CFTR: variants seen among roughly 807,000 people sequenced by gnomAD.
CFTR encodes CF transmembrane conductance regulator.
Under a neutral mutation model 171.6 loss-of-function variants are expected in CFTR, and 181 were observed. The ratio of observed to expected loss-of-function variants is 1.05; its 90% confidence interval spans 0.93 to 1.19. The LOEUF (loss-of-function observed/expected upper bound fraction) is 1.19. Ranked by LOEUF, CFTR falls within the 50% of genes most tolerant of loss-of-function variation. CFTR has a pLI of 0.00. For synonymous variants in CFTR, 583 were observed against 608.0 expected, an observed-to-expected ratio of 0.96 and a Z score of 0.60; for missense variants, 1,968 against 1,734.7, an observed-to-expected ratio of 1.13 and a Z score of -2.39.
In CFTR at chr7:117,603,529, C is replaced by A. The variant is rs1402820914; in HGVS notation, c.2658-3C>A. ...AAATAACGATTTCCTATTTGCTTTA[C>A]AGCACTCCTCTTCAAGACAAAGGGA... On this transcript the variant is annotated splice_region_variant and splice_polypyrimidine_tract_variant and intron_variant, in intron 16 of 26. Coordinates refer to ENST00000003084, the MANE Select transcript of CFTR (RefSeq NM_000492.4). 2 of 1,613,700 alleles carry A rather than the reference C, an allele frequency of 1.2e-6. No homozygotes were observed. Among genetic ancestry groups the A allele is most frequent in the Non-Finnish European group, 1.7e-6 (2 of 1,179,860 alleles).
intron 11 of CFTR, among the ~76,000 whole-genome samples, chr7:117,583,323 C>A (rs113183139): frequency 1.4e-4 from 21 of 151,796 alleles, no homozygotes; most frequent in African/African-American, 5.1e-4. Context: ...ATCCCCCCCC[C>A]GCTCCACCCT....
At chr7:117,631,044 C>T (rs995348624) in intron 22 of CFTR, among the ~76,000 whole-genome samples, 1 of 151,976 alleles carries the variant, frequency 6.6e-6, no homozygotes, top group Non-Finnish European at 1.5e-5. Flanking sequence ...CACTATGTTG[C>T]CCAGGCTGGT....
intron 24 of CFTR, among the ~76,000 whole-genome samples, chr7:117,655,455 T>G (rs960021539): frequency 6.6e-6 from 1 of 152,202 alleles, no homozygotes; most frequent in Non-Finnish European, 1.5e-5. Context: ...CAGATTGGCC[T>G]TTACCGTCCA....
Position 117,592,393 on chromosome 7 carries a change from T to C in CFTR, c.2226T>C (p.Ser742=), listed in dbSNP as rs2116032463. The C allele has an allele frequency of 6.2e-7, 1 of 1,614,070 alleles. No individual in the cohort carries two copies. Residue 742 remains serine (S), a synonymous_variant, in exon 14 of 27, where the codon TCT becomes TCC. Coordinates refer to ENST00000003084, the MANE Select transcript of CFTR (RefSeq NM_000492.4). ...LERRLSLVPD[S]EQGEAILPRI... is the part of the protein sequence containing the mutation. ...GAAGGCTGTCCTTAGTACCAGATTC[T>C]GAGCAGGGAGAGGCGATACTGCCTC...
intron 22 of CFTR, among the ~76,000 whole-genome samples, chr7:117,634,401 T>G (rs893693562): frequency 6.6e-6 from 1 of 152,084 alleles, no homozygotes; most frequent in Non-Finnish European, 1.5e-5. Context: ...AGGCTAGAGA[T>G]ATCTCTATTT....
At chr7:117,593,934 A>G (rs1792078920) in intron 14 of CFTR, among the ~76,000 whole-genome samples, 2 of 152,272 alleles carry the variant, frequency 1.3e-5, no homozygotes, top group South Asian at 2.1e-4. Context: ...TTTAATATCA[A>G]TCTAAATGAA....
chr7:117,611,940 A>G lies in CFTR; in HGVS notation c.3367+132A>G, dbSNP rs1792396369. The G allele has an allele frequency of 6.7e-6, 4 of 601,478 alleles. No individual in the cohort carries two copies. In the Admixed American group the frequency reaches 9.6e-5, roughly 14 times the overall value. 37.3% of individuals were successfully genotyped at this position (601,478 alleles called of 1,614,324 possible). A position where few individuals can be genotyped will look rare whatever the true frequency, so the allele number is the denominator to read the frequency against. The stretch of plus-strand genomic sequence containing the variant: ...TAATTAACAAATTTGTTGGTTTATT[A>G]TTGAACAAGTGATTTCTTTGAATTT... On this transcript the variant is annotated intron_variant, in intron 20 of 26. Transcript: ENST00000003084.
intron 3 of CFTR, among the ~76,000 whole-genome samples, chr7:117,516,029 G>A (rs1007264109): frequency 6.6e-6 from 1 of 152,166 alleles, no homozygotes; most frequent in Non-Finnish European, 1.5e-5. Context: ...TTTCAAATTA[G>A]AAATTGCTTG....
At chr7:117,638,017 T>C (rs552263488) in intron 22 of CFTR, among the ~76,000 whole-genome samples, 2 of 152,306 alleles carry the variant, frequency 1.3e-5, no homozygotes, top group South Asian at 2.1e-4. Flanking sequence ...TTGGACCCAC[T>C]TGGAATTTTC....
intron 2 of CFTR, among the ~76,000 whole-genome samples, chr7:117,508,747 A>C (rs747067874): frequency 6.6e-6 from 1 of 152,188 alleles, no homozygotes; most frequent in African/African-American, 2.4e-5. Context: ...TTATTTGTCC[A>C]CCCTTTTCAT....
chr7:117,548,925 C>T, intron 10 of CFTR, 102 bp downstream of exon 10: 1 of 1,491,760 alleles, frequency 6.7e-7, no homozygotes, highest in Non-Finnish European at 9.1e-7. Context: ...GAAATTCTTA[C>T]ATGAGCATTA....
intron 3 of CFTR, among the ~76,000 whole-genome samples, chr7:117,517,083 G>A (rs1165036428): frequency 1.3e-5 from 2 of 152,098 alleles, no homozygotes; most frequent in Non-Finnish European, 2.9e-5. Flanking sequence ...TCATCAGAGT[G>A]AACAGGCAAC....
intron 1 of CFTR, among the ~76,000 whole-genome samples, chr7:117,481,440 T>G (rs1361835250): frequency 6.6e-6 from 1 of 152,234 alleles, no homozygotes; most frequent in Non-Finnish European, 1.5e-5. Flanking sequence ...TTCAGAAGAA[T>G]GAATATTTCA....
At position 117,509,701 on chromosome 7, in the gene CFTR, T is replaced by C. The variant is rs755124837; in HGVS notation, c.273+559T>C. 1.0e-3 allele frequency among the ~76,000 whole-genome samples: 157 copies of C among 152,306 alleles called. 2 individuals are homozygous for C. Among genetic ancestry groups the C allele is most frequent in the Non-Finnish European group, 1.5e-3 (105 of 68,000 alleles). On this transcript the variant is annotated intron_variant, in intron 3 of 26. Coordinates refer to ENST00000003084, the MANE Select transcript of CFTR (RefSeq NM_000492.4). ...CTTACATCTCATCAGTGTGAAAAGT[T>C]GCACACCTGAAAATCCAGGCTTTGT...
chr7:117,595,124 T>G, intron 15 of CFTR, 66 bp downstream of exon 15: 1 of 1,318,454 alleles, frequency 7.6e-7, no homozygotes, highest in Non-Finnish European at 1.1e-6. Context: ...TGGGGATGTA[T>G]ACATATATAT....
At chr7:117,563,874 G>A (rs1446870597) in intron 11 of CFTR, among the ~76,000 whole-genome samples, 1 of 151,928 alleles carries the variant, frequency 6.6e-6, no homozygotes, top group Non-Finnish European at 1.5e-5. Context: ...ACTGATTTAG[G>A]CTTCCTTAGT....
chr7:117,592,325 C>T lies in CFTR; in HGVS notation c.2158C>T (p.Gln720Ter), dbSNP rs397508346. ...TTCCATTGTGCAAAAGACTCCCTTA[C>T]AAATGAATGGCATCGAAGAGGATTC... ...KFSIVQKTPL[Q>*]MNGIEEDSDE... is the part of the protein sequence containing the mutation. Residue 720 changes from glutamine to a stop codon, truncating the protein, a stop_gained, in exon 14 of 27, where the codon CAA becomes TAA. Coordinates refer to ENST00000003084, the MANE Select transcript of CFTR (RefSeq NM_000492.4). LOFTEE classifies it high-confidence loss of function. 6.2e-7 allele frequency: 1 copy of T among 1,614,152 alleles called. No individual in the cohort carries two copies. The highest frequency in any genetic ancestry group is 1.1e-5 in the South Asian group (1 of 91,084).
At chr7:117,534,110 A>G (rs1798906364) in intron 4 of CFTR, among the ~76,000 whole-genome samples, 166 bp from the exon 5 acceptor site, 1 of 152,244 alleles carries the variant, frequency 6.6e-6, no homozygotes, top group South Asian at 2.1e-4. Context: ...TGAAAGAAAC[A>G]TTTATGAACC....
rs397508394 is a variant in CFTR at position 117,594,986 on chromosome 7, C to T, written c.2547C>T (p.Tyr849=). Reference sequence around the variant, plus strand: ...CAGCAGTGACTACATGGAACACATACCTTCGATATATTACTGTCCACAAGA... The same window carrying T: ...CAGCAGTGACTACATGGAACACATATCTTCGATATATTACTGTCCACAAGA... The part of the protein sequence containing the change: ...SIPAVTTWNT[Y]LRYITVHKSL... The change falls in exon 15 of 27, where the codon TAC becomes TAT. Residue 849 remains tyrosine (Y), a synonymous_variant. Coordinates refer to ENST00000003084, the MANE Select transcript of CFTR (RefSeq NM_000492.4). 1 of 1,612,642 alleles carries T rather than the reference C, an allele frequency of 6.2e-7. No individual in the cohort carries two copies. The highest frequency in any genetic ancestry group is 1.3e-5 in the African/African-American group (1 of 74,958).
Sources: gnomAD v4.1 joint callset for allele counts (sites outside exome capture counted in the v4.1 genomes callset) on GRCh38, gnomAD v4.1.1 for gene constraint, MANE v1.5 for transcripts, NCBI Gene and HGNC (gene_info 2026-07-23, HGNC 2026-07-21) for gene names.